Variants in SLC30A1 observed in about 807,000 individuals in gnomAD.
The protein encoded by SLC30A1 is solute carrier family 30 member 1.
In SLC30A1, 7 loss-of-function variants were observed where a neutral mutation model predicts 29.8. That is an observed-to-expected ratio of 0.23 (90% CI 0.13 to 0.44). SLC30A1 has a LOEUF of 0.44. Ranked by LOEUF, SLC30A1 falls within the 20% of genes least tolerant of loss-of-function variation. SLC30A1 has a pLI of 1.00. For synonymous variants in SLC30A1, 254 were observed against 253.5 expected (o/e 1.00, Z -0.02); for missense variants, 446 against 647.9 (o/e 0.69, Z 3.38).
In SLC30A1 at chr1:211,573,425, C is replaced by T. The variant is rs1007536238; in HGVS notation, c.*1963G>A. The T allele has an allele frequency of 2.0e-5, 3 of 152,030 alleles. No homozygotes were observed. Among genetic ancestry groups the T allele is most frequent in the African/African-American group, 4.8e-5 (2 of 41,444 alleles). 9.4% of individuals were successfully genotyped at this position (152,030 alleles called of 1,614,324 possible). ...TAGGTGTCATGCCATCTTTAAGACA[C>T]AGACCTCAAGTAGAGCATTTGTAAA... On this transcript the variant is annotated 3_prime_UTR_variant, in exon 2 of 2. Transcript: ENST00000367001.
At position 211,577,046 on chromosome 1, in the gene SLC30A1, T is replaced by A. The variant is rs898335872; in HGVS notation, c.623-757A>T. Among the ~76,000 whole-genome samples the A allele has an allele frequency of 6.6e-6, 1 of 152,206 alleles. No individual in the cohort carries two copies. The highest frequency in any genetic ancestry group is 1.5e-5 in the Non-Finnish European group (1 of 68,032). ...GAGTGAGAGGAAAACCAATTACTTATTAAACCTTTCCAATGTACAACTTGA... is the reference window on the plus strand; with the variant it reads ...GAGTGAGAGGAAAACCAATTACTTAATAAACCTTTCCAATGTACAACTTGA... On this transcript the variant is annotated intron_variant, in intron 1 of 1. Transcript: ENST00000367001. The surrounding 1 kb of genome is among the most constrained non-coding windows in gnomAD (Gnocchi z 4.5).
Position 211,572,907 on chromosome 1 carries a change from TA to T in SLC30A1, c.*2480del, listed in dbSNP as rs1706669112. 6.6e-6 allele frequency: 1 copy of T among 152,080 alleles called. No homozygotes were observed. The highest frequency in any genetic ancestry group is 1.5e-5 in the Non-Finnish European group (1 of 67,922). 9.4% of individuals were successfully genotyped at this position (152,080 alleles called of 1,614,324 possible). A position where few individuals can be genotyped will look rare whatever the true frequency, so the allele number is the denominator to read the frequency against. ...ATATTCTACACTGATCTTGCTCAAA[TA>T]TAAAAGAGCCAGCAGGAGAGATGCA... is the stretch of plus-strand genomic sequence containing the variant. On this transcript the variant is annotated 3_prime_UTR_variant, in exon 2 of 2. Transcript: ENST00000367001.
At position 211,573,414 on chromosome 1, in the gene SLC30A1, T is replaced by C. The variant is rs1262540897; in HGVS notation, c.*1974A>G. The C allele has an allele frequency of 6.6e-6, 1 of 152,080 alleles. No individual in the cohort carries two copies. The highest frequency in any genetic ancestry group is 1.5e-5 in the Non-Finnish European group (1 of 67,902). 9.4% of individuals were successfully genotyped at this position (152,080 alleles called of 1,614,324 possible). On this transcript the variant is annotated 3_prime_UTR_variant, in exon 2 of 2. Transcript: ENST00000367001. Reference sequence around the variant, plus strand: ...TGTCTTGTACTTAGGTGTCATGCCATCTTTAAGACACAGACCTCAAGTAGA... The same window carrying C: ...TGTCTTGTACTTAGGTGTCATGCCACCTTTAAGACACAGACCTCAAGTAGA...
Position 211,578,159 on chromosome 1 carries a change from C to T in SLC30A1, c.454G>A (p.Gly152Ser). The T allele has an allele frequency of 6.2e-7, 1 of 1,608,500 alleles. No individual in the cohort carries two copies. The highest frequency in any genetic ancestry group is 1.1e-5 in the South Asian group (1 of 90,440). Reference sequence around the variant, plus strand: ...GGGAGGCCGTGGCCGTGGCCGTGACCCCCGTGCGAGTGGCCGTGGCCGGAG... The same window carrying T: ...GGGAGGCCGTGGCCGTGGCCGTGACTCCCGTGCGAGTGGCCGTGGCCGGAG... ...QDSGHGHSHG[G>S]HGHGHGLPKG... Residue 152 changes from glycine to serine, a missense_variant, in exon 1 of 2, where the codon GGT (glycine) becomes AGT (serine). Physicochemically the swap from Gly to Ser is moderately conservative, Grantham distance 56. Transcript: ENST00000367001.
In SLC30A1 at chr1:211,578,012, C is replaced by T. The variant is rs759819592; in HGVS notation, c.601G>A (p.Gly201Arg). Reference protein sequence around the residue: ...TLVANTSNSNGLKLDPADPEN... With the variant: ...TLVANTSNSNRLKLDPADPEN... ...TCACCTGCGGGGTCCAATTTCAGCC[C>T]GTTGGAGTTGCTGGTATTGGCCACC... The change falls in exon 1 of 2, where the codon GGG becomes AGG. Residue 201 changes from glycine to arginine, a missense_variant. This residue lies in a region of SLC30A1 where 159 missense variants were observed against 161.1 expected (regional missense o/e 0.99). Transcript: ENST00000367001. 7.8e-5 allele frequency: 126 copies of T among 1,613,068 alleles called. No homozygotes were observed. The Middle Eastern group carries it at 3.5e-3, about 45-fold the overall frequency.
Position 211,578,048 on chromosome 1 carries a change from TCTC to T in SLC30A1, c.562_564del (p.Glu188del), listed in dbSNP as rs753871025. On this transcript the variant is annotated inframe_deletion, in exon 1 of 2. Coordinates refer to ENST00000367001, the MANE Select transcript of SLC30A1 (RefSeq NM_021194.3). Reference sequence around the variant, plus strand: ...CTGGTATTGGCCACCAGGGTGTTGGTCTCCTCCTGGTCGGGACCCTGCTCGCCC... The same window carrying T: ...CTGGTATTGGCCACCAGGGTGTTGGTCTCCTGGTCGGGACCCTGCTCGCCC... 8.7e-6 allele frequency: 14 copies of T among 1,613,046 alleles called. No individual in the cohort carries two copies. The highest frequency in any genetic ancestry group is 8.3e-5 in the Admixed American group (5 of 60,004).
Position 211,577,892 on chromosome 1 carries a change from T to A in SLC30A1, c.622+99A>T. 6.6e-7 allele frequency: 1 copy of A among 1,505,278 alleles called. No homozygotes were observed. The highest frequency in any genetic ancestry group is 2.0e-5 in the Admixed American group (1 of 51,180). 93.2% of individuals were successfully genotyped at this position (1,505,278 alleles called of 1,614,324 possible). A position where few individuals can be genotyped will look rare whatever the true frequency, so the allele number is the denominator to read the frequency against. On this transcript the variant is annotated intron_variant, in intron 1 of 1. Transcript: ENST00000367001. The surrounding 1 kb of genome is among the most constrained non-coding windows in gnomAD (Gnocchi z 4.5). ...CAGGGGCGGCGCGGCGCAGGCCCGC[T>A]CGGGCAGCAGGGGGCGTGCGGGCCA...
In SLC30A1 at chr1:211,578,686, T is replaced by G. The variant is rs935689715; in HGVS notation, c.-74A>C. On this transcript the variant is annotated 5_prime_UTR_variant, in exon 1 of 2. Coordinates refer to ENST00000367001, the MANE Select transcript of SLC30A1 (RefSeq NM_021194.3). ...GGCGGCGTTGGCGGGACGCGGAGGG[T>G]CGGCGACCGCGACACGGAGGAGCGC... 2 of 1,381,928 alleles carry G rather than the reference T, an allele frequency of 1.4e-6. No individual in the cohort carries two copies. Among genetic ancestry groups the G allele is most frequent in the African/African-American group, 3.1e-5 (2 of 64,008 alleles). 85.6% of individuals were successfully genotyped at this position (1,381,928 alleles called of 1,614,324 possible).
rs531535338 is a variant in SLC30A1 at position 211,574,508 on chromosome 1, G to A, written c.*880C>T. On this transcript the variant is annotated 3_prime_UTR_variant, in exon 2 of 2. Coordinates refer to ENST00000367001, the MANE Select transcript of SLC30A1 (RefSeq NM_021194.3). ...CCCGGTTTAAAAGATTACATTAATC[G>A]TTTGCGTTTAGCATGTAATTATTAG... 4.6e-5 allele frequency: 7 copies of A among 152,050 alleles called. No homozygotes were observed. The highest frequency in any genetic ancestry group is 2.6e-4 in the Admixed American group (4 of 15,276). The allele number at this position is 152,050 out of a possible 1,614,324, so 9.4% of individuals were successfully genotyped here.
At position 211,578,905 on chromosome 1, in the gene SLC30A1, G is replaced by C. The variant is rs1706755793; in HGVS notation, c.-293C>G. 6.6e-6 allele frequency among the ~76,000 whole-genome samples: 1 copy of C among 152,082 alleles called. No homozygotes were observed. Among genetic ancestry groups the C allele is most frequent in the African/African-American group, 2.4e-5 (1 of 41,432 alleles). ...TCAGCCTCAGCAGCCCCCACACCCAGGCGGCGGCGGTGGCGGGGAGCTGGG... is the reference window on the plus strand; with the variant it reads ...TCAGCCTCAGCAGCCCCCACACCCACGCGGCGGCGGTGGCGGGGAGCTGGG... On this transcript the variant is annotated 5_prime_UTR_variant, in exon 1 of 2. Transcript: ENST00000367001.
Position 211,577,877 on chromosome 1 carries a change from G to T in SLC30A1, c.622+114C>A. The T allele has an allele frequency of 7.2e-7, 1 of 1,388,694 alleles. No individual in the cohort carries two copies. Among genetic ancestry groups the T allele is most frequent in the Non-Finnish European group, 9.6e-7 (1 of 1,039,826 alleles). The allele number at this position is 1,388,694 out of a possible 1,614,324, so 86.0% of individuals were successfully genotyped here. ...CGGGGAGGGAGCAGGCAGGGGCGGC[G>T]CGGCGCAGGCCCGCTCGGGCAGCAG... On this transcript the variant is annotated intron_variant, in intron 1 of 1. Transcript: ENST00000367001. The surrounding 1 kb of genome is among the most constrained non-coding windows in gnomAD (Gnocchi z 4.5).
Position 211,576,014 on chromosome 1 carries a change from T to C in SLC30A1, c.898A>G (p.Ser300Gly). The C allele has an allele frequency of 6.2e-7, 1 of 1,613,522 alleles. No individual in the cohort carries two copies. Among genetic ancestry groups the C allele is most frequent in the African/African-American group, 1.3e-5 (1 of 75,006 alleles). ...GCCTCATAAACTGATGCATGAGTACTATTAATTATTTCTACAAATGCTTTG... is the reference window on the plus strand; with the variant it reads ...GCCTCATAAACTGATGCATGAGTACCATTAATTATTTCTACAAATGCTTTG... ...PCKAFVEIIN[S>G]THASVYEAGP... Residue 300 changes from serine to glycine, a missense_variant, in exon 2 of 2, where the codon AGT (serine) becomes GGT (glycine). Ser to Gly is a moderately conservative substitution (Grantham distance 56). Coordinates refer to ENST00000367001, the MANE Select transcript of SLC30A1 (RefSeq NM_021194.3).
Position 211,578,719 on chromosome 1 carries a change from G to C in SLC30A1, c.-107C>G. 8.3e-7 allele frequency: 1 copy of C among 1,209,402 alleles called. No individual in the cohort carries two copies. Among genetic ancestry groups the C allele is most frequent in the Non-Finnish European group, 1.1e-6 (1 of 924,782 alleles). 74.9% of individuals were successfully genotyped at this position (1,209,402 alleles called of 1,614,324 possible). A position where few individuals can be genotyped will look rare whatever the true frequency, so the allele number is the denominator to read the frequency against. On this transcript the variant is annotated 5_prime_UTR_variant, in exon 1 of 2. Transcript: ENST00000367001. ...CGCGACACGGAGGAGCGCCCGAGTCGGGCCGTTCGGGAAACCGCTGAGGGG... is the reference window on the plus strand; with the variant it reads ...CGCGACACGGAGGAGCGCCCGAGTCCGGCCGTTCGGGAAACCGCTGAGGGG...
chr1:211,575,622 T>C lies in SLC30A1; in HGVS notation c.1290A>G (p.Val430=). ...TTCTGCAGGCAAGTTCACACGGAACTACACTTGATTTAGAGCCTACACTAG... is the reference window on the plus strand; with the variant it reads ...TTCTGCAGGCAAGTTCACACGGAACCACACTTGATTTAGAGCCTACACTAG... ...EFASVGSKSS[V]VPCELACRTQ... Residue 430 remains valine (V), a synonymous_variant, in exon 2 of 2, where the codon GTA becomes GTG. Coordinates refer to ENST00000367001, the MANE Select transcript of SLC30A1 (RefSeq NM_021194.3). This position sits in a 1 kb window ranked among gnomAD's most constrained non-coding sequence, Gnocchi z 6.0. 6.2e-7 allele frequency: 1 copy of C among 1,614,178 alleles called. No homozygotes were observed. The highest frequency in any genetic ancestry group is 8.5e-7 in the Non-Finnish European group (1 of 1,180,008).
chr1:211,578,730 G>A lies in SLC30A1; in HGVS notation c.-118C>T, dbSNP rs904584241. ...GGAGCGCCCGAGTCGGGCCGTTCGG[G>A]AAACCGCTGAGGGGCCCCCGCGGCC... is the stretch of plus-strand genomic sequence containing the variant. On this transcript the variant is annotated 5_prime_UTR_variant, in exon 1 of 2. Transcript: ENST00000367001. 2 of 1,130,682 alleles carry A rather than the reference G, an allele frequency of 1.8e-6. No homozygotes were observed. Among genetic ancestry groups the A allele is most frequent in the Non-Finnish European group, 2.3e-6 (2 of 855,356 alleles). The allele number at this position is 1,130,682 out of a possible 1,614,324, so 70.0% of individuals were successfully genotyped here.
rs1706665749 is a variant in SLC30A1, at chr1:211,572,440, A to G, written c.*2948T>C. On this transcript the variant is annotated 3_prime_UTR_variant, in exon 2 of 2. Transcript: ENST00000367001. ...AATCTTCAACTCAACACCAGTTAAC[A>G]TACGAAATACTTCACATTAGGTTCC... 6.6e-6 allele frequency: 1 copy of G among 152,136 alleles called. No individual in the cohort carries two copies. The highest frequency in any genetic ancestry group is 6.5e-5 in the Admixed American group (1 of 15,282). 9.4% of individuals were successfully genotyped at this position (152,136 alleles called of 1,614,324 possible).
In SLC30A1 at chr1:211,578,168, A is replaced by T; in HGVS notation, c.445T>A (p.Ser149Thr). ...GFSQDSGHGH[S>T]HGGHGHGHGL... is the part of the protein sequence containing the mutation. ...TGGCCGTGGCCGTGACCCCCGTGCG[A>T]GTGGCCGTGGCCGGAGTCCTGGCTG... The change falls in exon 1 of 2, where the codon TCG becomes ACG. Residue 149 changes from serine (S) to threonine (T), a missense_variant. Coordinates refer to ENST00000367001, the MANE Select transcript of SLC30A1 (RefSeq NM_021194.3). 1 of 1,608,648 alleles carries T rather than the reference A, an allele frequency of 6.2e-7. No homozygotes were observed. The highest frequency in any genetic ancestry group is 1.1e-5 in the South Asian group (1 of 90,460).
chr1:211,575,135 A>G lies in SLC30A1; in HGVS notation c.*253T>C. ...TTATATAAGGTTTAACTTACTTTAA[A>G]CAAAAATGTAACATAGTGTTAAAAC... is the stretch of plus-strand genomic sequence containing the variant. On this transcript the variant is annotated 3_prime_UTR_variant, in exon 2 of 2. Transcript: ENST00000367001. This position sits in a 1 kb window ranked among gnomAD's most constrained non-coding sequence, Gnocchi z 6.0. 3.1e-6 allele frequency: 1 copy of G among 327,420 alleles called. No individual in the cohort carries two copies. Among genetic ancestry groups the G allele is most frequent in the Non-Finnish European group, 5.6e-6 (1 of 179,732 alleles). 20.3% of individuals were successfully genotyped at this position (327,420 alleles called of 1,614,324 possible).
Position 211,577,840 on chromosome 1 carries a change from G to GCC in SLC30A1, c.622+150_622+151insGG. The GCC allele has an allele frequency of 9.9e-7, 1 of 1,005,124 alleles. No individual in the cohort carries two copies. Among genetic ancestry groups the GCC allele is most frequent in the Non-Finnish European group, 1.4e-6 (1 of 712,246 alleles). The allele number at this position is 1,005,124 out of a possible 1,614,324, so 62.3% of individuals were successfully genotyped here. A position where few individuals can be genotyped will look rare whatever the true frequency, so the allele number is the denominator to read the frequency against. ...TCTGATTTCCTGGAGCAGCAGCGGG[G>GCC]CGTGTGCAGGACGGGGAGGGAGCAG... On this transcript the variant is annotated intron_variant, in intron 1 of 1. Coordinates refer to ENST00000367001, the MANE Select transcript of SLC30A1 (RefSeq NM_021194.3). The surrounding 1 kb of genome is among the most constrained non-coding windows in gnomAD (Gnocchi z 4.5).
Sources: gnomAD v4.1 joint callset for allele counts (sites outside exome capture counted in the v4.1 genomes callset) on GRCh38, gnomAD v4.1.1 for gene constraint, gnomAD v4.1.1 regional missense constraint, Gnocchi (gnomAD v3.1) non-coding constraint, MANE v1.5 for transcripts, NCBI Gene and HGNC (gene_info 2026-07-23, HGNC 2026-07-21) for gene names.